The following B4GALT5 variants were observed in gnomAD, a reference collection of about 807,000 sequenced individuals.
B4GALT5 encodes the protein beta-1,4-galactosyltransferase 5, also known as UDP-Gal:beta-GlcNAc beta-1,4-galactosyltransferase 5.
B4GALT5 carries 11 observed loss-of-function variants against 45.0 expected under a neutral mutation model. The observed-to-expected ratio is 0.24, with a 90% CI of 0.15 to 0.40. B4GALT5 has a LOEUF of 0.40. Among genes scored for constraint, B4GALT5 ranks in the 10% least tolerant of loss-of-function variants. B4GALT5 has a pLI of 1.00. For synonymous variants in B4GALT5, 185 were observed against 182.9 expected (o/e 1.01, Z -0.09); for missense variants, 337 against 500.2 (o/e 0.67, Z 3.11).
intron 3 of B4GALT5, among the ~76,000 whole-genome samples, chr20:49,646,582 G>A (rs958200590): frequency 1.3e-5 from 2 of 152,142 alleles, no homozygotes; most frequent in African/African-American, 4.8e-5. Context: ...ACACCATCTA[G>A]ATTTGTGGAA....
At position 49,713,699 on chromosome 20, in the gene B4GALT5, C is replaced by A; in HGVS notation, c.-9G>T. 7.3e-7 allele frequency: 1 copy of A among 1,370,700 alleles called. No individual in the cohort carries two copies. Among genetic ancestry groups the A allele is most frequent in the Non-Finnish European group, 9.8e-7 (1 of 1,024,474 alleles). The allele number at this position is 1,370,700 out of a possible 1,614,324, so 84.9% of individuals were successfully genotyped here. A position where few individuals can be genotyped will look rare whatever the true frequency, so the allele number is the denominator to read the frequency against. On this transcript the variant is annotated 5_prime_UTR_variant, in exon 1 of 9. Coordinates refer to ENST00000371711, the MANE Select transcript of B4GALT5 (RefSeq NM_004776.4). ...CCCCGGCGGGCGCGCATGCTGCAGC[C>A]AGGCGGCCGCTAGAGAGCCAGGCCG...
chr20:49,689,051 TGGA>T (rs1409022504), intron 1 of B4GALT5, among the ~76,000 whole-genome samples: 2 of 151,816 alleles, frequency 1.3e-5, no homozygotes, highest in African/African-American at 4.8e-5. Context: ...GACTGAAAGC[TGGA>T]GGAGAAGGAA....
At chr20:49,658,134 G>A (rs1173982967) in intron 1 of B4GALT5, among the ~76,000 whole-genome samples, 1 of 152,080 alleles carries the variant, frequency 6.6e-6, no homozygotes, top group African/African-American at 2.4e-5. Flanking sequence ...TTAACTTCTG[G>A]CACCGTCGGA....
intron 2 of B4GALT5, among the ~76,000 whole-genome samples, chr20:49,649,670 A>C (rs1848945955): frequency 1.3e-5 from 2 of 152,182 alleles, no homozygotes; most frequent in Non-Finnish European, 1.5e-5. Context: ...CATACATGCA[A>C]ACCTGGCCTG....
At chr20:49,664,731 G>A (rs1018308499) in intron 1 of B4GALT5, among the ~76,000 whole-genome samples, 6 of 152,102 alleles carry the variant, frequency 3.9e-5, no homozygotes, top group Non-Finnish European at 7.4e-5. Context: ...TGCATAATGC[G>A]CTTATTCTCA....
In B4GALT5 at chr20:49,636,005, A is replaced by G. The variant is rs2085551786; in HGVS notation, c.*307T>C. On this transcript the variant is annotated 3_prime_UTR_variant, in exon 9 of 9. Transcript: ENST00000371711. Reference sequence around the variant, plus strand: ...TCACAGTTCATCATGGGTTCTGGAGACTGCGGCTAAGACAGGATGTGGGGT... The same window carrying G: ...TCACAGTTCATCATGGGTTCTGGAGGCTGCGGCTAAGACAGGATGTGGGGT... 2.9e-6 allele frequency: 1 copy of G among 348,162 alleles called. No homozygotes were observed. Among genetic ancestry groups the G allele is most frequent in the Non-Finnish European group, 5.5e-6 (1 of 182,266 alleles). 21.6% of individuals were successfully genotyped at this position (348,162 alleles called of 1,614,324 possible). A position where few individuals can be genotyped will look rare whatever the true frequency, so the allele number is the denominator to read the frequency against.
At chr20:49,680,174 T>C (rs2085758247) in intron 1 of B4GALT5, among the ~76,000 whole-genome samples, 1 of 152,198 alleles carries the variant, frequency 6.6e-6, no homozygotes. Flanking sequence ...AATAGCATTA[T>C]CATTATTTTA....
intron 1 of B4GALT5, among the ~76,000 whole-genome samples, chr20:49,683,323 T>C (rs916924083): frequency 6.6e-6 from 1 of 152,038 alleles, no homozygotes; most frequent in Non-Finnish European, 1.5e-5. Flanking sequence ...CTGAATAAAT[T>C]GTCAGGTAAA....
intron 1 of B4GALT5, among the ~76,000 whole-genome samples, chr20:49,661,198 G>A (rs908740059): frequency 3.9e-5 from 6 of 152,186 alleles, no homozygotes; most frequent in African/African-American, 1.4e-4. Flanking sequence ...GAGGTGAACT[G>A]AGTTGCTGCA....
intron 1 of B4GALT5, among the ~76,000 whole-genome samples, chr20:49,706,882 C>T (rs1401724184): frequency 1.3e-5 from 2 of 152,164 alleles, no homozygotes; most frequent in African/African-American, 2.4e-5. Flanking sequence ...CTTCCAAGAT[C>T]TAAAAAGCAG....
chr20:49,672,663 A>G (rs2085720795), intron 1 of B4GALT5, among the ~76,000 whole-genome samples: 2 of 152,200 alleles, frequency 1.3e-5, no homozygotes, highest in Non-Finnish European at 2.9e-5. Context: ...AGAAGGGCCA[A>G]CCTACTCTAC....
At chr20:49,644,764 C>A (rs1403916262) in intron 3 of B4GALT5, among the ~76,000 whole-genome samples, 1 of 152,152 alleles carries the variant, frequency 6.6e-6, no homozygotes, top group Non-Finnish European at 1.5e-5. Context: ...AGGCTTCCAA[C>A]ACAACTTACA....
At chr20:49,658,408 ATTTGGGCTGTGCAGTATG>A (rs1168697996) in intron 1 of B4GALT5, among the ~76,000 whole-genome samples, 2 of 152,192 alleles carry the variant, frequency 1.3e-5, no homozygotes, top group South Asian at 4.1e-4. Flanking sequence ...GTTTTTAATC[ATTTGGGCTGTGCAGTATG>A]TTCCCACTGC....
intron 1 of B4GALT5, among the ~76,000 whole-genome samples, chr20:49,670,843 T>G (rs1244454931): frequency 1.3e-5 from 2 of 152,184 alleles, no homozygotes; most frequent in African/African-American, 2.4e-5. Flanking sequence ...CAGATCAAAG[T>G]GAAATGTTCA....
rs145764022 is a variant in B4GALT5 at position 49,659,031 on chromosome 20, A to C, written c.116-2329T>G. On this transcript the variant is annotated intron_variant, in intron 1 of 8. Transcript: ENST00000371711. ...TTCACAAAGGTCAACTGAGAGCACT[A>C]GAATTTGAACCAGGTGTGTCTGTGC... Among the ~76,000 whole-genome samples, 486 of 152,346 alleles carry C rather than the reference A, an allele frequency of 3.2e-3. 1 individual carries two copies. The highest frequency in any genetic ancestry group is 4.1e-3 in the Non-Finnish European group (279 of 68,026).
chr20:49,705,074 CTG>C (rs1216922846), intron 1 of B4GALT5, among the ~76,000 whole-genome samples: 1 of 152,058 alleles, frequency 6.6e-6, no homozygotes, highest in Non-Finnish European at 1.5e-5. Context: ...TGGGAAAACA[CTG>C]AATTCATGCA....
intron 1 of B4GALT5, among the ~76,000 whole-genome samples, chr20:49,685,640 G>A (rs1476569202): frequency 6.6e-6 from 1 of 152,140 alleles, no homozygotes; most frequent in Non-Finnish European, 1.5e-5. Flanking sequence ...TAAAGGCAAT[G>A]TGAAAATATT....
At chr20:49,683,554 C>T (rs1347925486) in intron 1 of B4GALT5, among the ~76,000 whole-genome samples, 10 of 151,814 alleles carry the variant, frequency 6.6e-5, no homozygotes, top group Admixed American at 2.6e-4. Context: ...CCATCATGCC[C>T]GGCTAATTTT....
At chr20:49,687,978 T>A (rs901560330) in intron 1 of B4GALT5, among the ~76,000 whole-genome samples, 4 of 152,100 alleles carry the variant, frequency 2.6e-5, no homozygotes, top group African/African-American at 7.2e-5. Flanking sequence ...GTAAACCCTT[T>A]AGGAGCAAGC....
Sources: gnomAD v4.1 joint callset for allele counts (sites outside exome capture counted in the v4.1 genomes callset) on GRCh38, gnomAD v4.1.1 for gene constraint, MANE v1.5 for transcripts, NCBI Gene and HGNC (gene_info 2026-07-23, HGNC 2026-07-21) for gene names.